CNTN4: variants seen among roughly 807,000 people sequenced by gnomAD.
CNTN4 encodes contactin-4.
A neutral mutation model predicts 122.5 loss-of-function variants in CNTN4; 77 were observed. The observed-to-expected ratio is 0.63, with a 90% CI of 0.52 to 0.76. The LOEUF (loss-of-function observed/expected upper bound fraction) is 0.76, where lower values mean the gene tolerates loss of function less well. CNTN4 is among the 30% of genes least tolerant of loss of function. The pLI, the probability that CNTN4 is intolerant of heterozygous loss-of-function variation, is 0.00. For missense variants in CNTN4, 1,256 were observed against 1,259.1 expected (o/e 1.00, Z 0.04); for synonymous variants, 512 against 447.0 (o/e 1.15, Z -1.83).
At chr3:2,147,640 A>G (rs929769130) in intron 2 of CNTN4, among the ~76,000 whole-genome samples, 3 of 152,054 alleles carry the variant, frequency 2.0e-5, no homozygotes, top group Non-Finnish European at 4.4e-5. Context: ...CAATCCCATT[A>G]TTTCCCATCT....
At chr3:2,318,594 T>C (rs1405338050) in intron 2 of CNTN4, among the ~76,000 whole-genome samples, 1 of 152,128 alleles carries the variant, frequency 6.6e-6, no homozygotes, top group Admixed American at 6.6e-5. Context: ...ACTGTCTCTG[T>C]GTGCAGATTT....
At chr3:2,478,625 A>T (rs976717920) in intron 3 of CNTN4, among the ~76,000 whole-genome samples, 1 of 151,846 alleles carries the variant, frequency 6.6e-6, no homozygotes. Context: ...GTTGTTCCCC[A>T]CCATGTGTCC....
At chr3:2,102,743 G>C (rs2032089034) in intron 2 of CNTN4, among the ~76,000 whole-genome samples, 1 of 152,170 alleles carries the variant, frequency 6.6e-6, no homozygotes, top group Non-Finnish European at 1.5e-5. Flanking sequence ...CCAGAACCCA[G>C]TTCTTTGTGG....
intron 4 of CNTN4, among the ~76,000 whole-genome samples, chr3:2,606,883 G>A (rs1466342904): frequency 6.6e-6 from 1 of 152,198 alleles, no homozygotes; most frequent in Non-Finnish European, 1.5e-5. Context: ...TTGCCTCATG[G>A]CAGTATTGGT....
intron 2 of CNTN4, among the ~76,000 whole-genome samples, chr3:2,256,959 A>G (rs1247059884): frequency 6.6e-6 from 1 of 152,168 alleles, no homozygotes; most frequent in Non-Finnish European, 1.5e-5. Flanking sequence ...GTATGGAACC[A>G]AAAAAGAGCC....
chr3:2,347,937 C>T (rs984567660), intron 3 of CNTN4, among the ~76,000 whole-genome samples: 1 of 151,518 alleles, frequency 6.6e-6, no homozygotes, highest in African/African-American at 2.4e-5. Flanking sequence ...TTAATTTCTC[C>T]TCATGTTCAT....
At chr3:2,835,534 A>G (rs1349381420) in intron 7 of CNTN4, among the ~76,000 whole-genome samples, 3 of 152,210 alleles carry the variant, frequency 2.0e-5, no homozygotes, top group African/African-American at 7.2e-5. Context: ...AATTGAAATT[A>G]TATAGGCCAG....
At chr3:2,366,734 A>T (rs1014967302) in intron 3 of CNTN4, among the ~76,000 whole-genome samples, 18 of 150,998 alleles carry the variant, frequency 1.2e-4, no homozygotes, top group South Asian at 4.2e-4. Context: ...CTCAAAAAAA[A>T]AAAAATAATA....
intron 2 of CNTN4, among the ~76,000 whole-genome samples, chr3:2,325,881 G>A (rs909495581): frequency 6.6e-6 from 1 of 152,100 alleles, no homozygotes. Flanking sequence ...TTTTCTAATA[G>A]AAATATGCTA....
chr3:2,481,083 TTCTC>T (rs1472540697), intron 3 of CNTN4, among the ~76,000 whole-genome samples: 3 of 146,450 alleles, frequency 2.0e-5, no homozygotes, highest in African/African-American at 7.8e-5. Flanking sequence ...CTTTCTCTCT[TTCTC>T]TCTTTCTTTC....
chr3:2,804,751 C>G (rs2092425797), intron 6 of CNTN4, among the ~76,000 whole-genome samples: 2 of 104,344 alleles, frequency 1.9e-5, no homozygotes, highest in South Asian at 6.9e-4. Context: ...TTTTTTGAGA[C>G]AAGGTCTCTC....
At chr3:2,980,742 A>G (rs1311864840) in intron 13 of CNTN4, among the ~76,000 whole-genome samples, 1 of 152,214 alleles carries the variant, frequency 6.6e-6, no homozygotes, top group Non-Finnish European at 1.5e-5. Flanking sequence ...AGAGAGGAAC[A>G]TTCAAATGGG....
Position 3,038,197 on chromosome 3 carries a change from A to G in CNTN4, c.2093-736A>G, listed in dbSNP as rs1287804938. ...CGGAGCCTTTCAGTTACGTGATGAC[A>G]ATATAGCTAGTCCCCTGCTTTCTTT... On this transcript the variant is annotated intron_variant, in intron 18 of 24. Transcript: ENST00000418658. 1.3e-5 allele frequency among the ~76,000 whole-genome samples: 2 copies of G among 152,168 alleles called. 1 individual carries two copies. Among genetic ancestry groups the G allele is most frequent in the Non-Finnish European group, 2.9e-5 (2 of 68,024 alleles).
At chr3:2,910,075 A>T (rs1167417950) in intron 12 of CNTN4, among the ~76,000 whole-genome samples, 1 of 152,244 alleles carries the variant, frequency 6.6e-6, no homozygotes, top group Non-Finnish European at 1.5e-5. Flanking sequence ...TGAAGGCCCC[A>T]TTTCAACAAG....
intron 3 of CNTN4, among the ~76,000 whole-genome samples, chr3:2,347,902 T>G (rs2044464686): frequency 6.6e-6 from 1 of 152,166 alleles, no homozygotes; most frequent in African/African-American, 2.4e-5. Flanking sequence ...CAGTTCCTTT[T>G]TATTTGTAAT....
Position 2,902,164 on chromosome 3 carries a change from A to G in CNTN4, c.1078-712A>G, listed in dbSNP as rs144590066. Among the ~76,000 whole-genome samples, 72 of 152,248 alleles carry G rather than the reference A, an allele frequency of 4.7e-4. 1 individual carries two copies. The highest frequency in any genetic ancestry group is 1.5e-3 in the African/African-American group (64 of 41,552). ...AGAAAACTAGTACCTCTTTATATAT[A>G]TGTAGAATGGCAGGTCTCCTGGAGA... On this transcript the variant is annotated intron_variant, in intron 11 of 24. Coordinates refer to ENST00000418658, the MANE Select transcript of CNTN4 (RefSeq NM_175607.3).
At chr3:2,689,954 T>G (rs1516388) in intron 4 of CNTN4, among the ~76,000 whole-genome samples, 68,683 of 151,960 alleles carry the variant, frequency 0.45, 16,797 homozygotes, top group Non-Finnish European at 0.55. Context: ...ATTTTTTCAT[T>G]ATGCCCAAAA....
intron 4 of CNTN4, among the ~76,000 whole-genome samples, chr3:2,610,723 G>A (rs2081445488): frequency 6.6e-6 from 1 of 152,098 alleles, no homozygotes; most frequent in African/African-American, 2.4e-5. Flanking sequence ...TATCTCATAT[G>A]ACTTATACCA....
At chr3:2,916,903 G>A (rs7429936) in intron 12 of CNTN4, among the ~76,000 whole-genome samples, 48,110 of 144,334 alleles carry the variant, frequency 0.33, 8,749 homozygotes, top group East Asian at 0.61. Flanking sequence ...ACGGGGTGGC[G>A]GCCGGGCAGA....
Sources: gnomAD v4.1 joint callset for allele counts (sites outside exome capture counted in the v4.1 genomes callset) on GRCh38, gnomAD v4.1.1 for gene constraint, MANE v1.5 for transcripts, NCBI Gene and HGNC (gene_info 2026-07-23, HGNC 2026-07-21) for gene names.